TSPAN11: variants seen among roughly 807,000 people sequenced by gnomAD.
TSPAN11 encodes tetraspanin-11.
In TSPAN11, 29 loss-of-function variants were observed where a neutral mutation model predicts 32.9. The ratio of observed to expected loss-of-function variants is 0.88; its 90% CI spans 0.66 to 1.20. The LOEUF (loss-of-function observed/expected upper bound fraction) is 1.20, where lower values mean the gene tolerates loss of function less well. Ranked by LOEUF, TSPAN11 falls within the 50% of genes most tolerant of loss-of-function variation. The pLI is 0.00. For missense variants in TSPAN11, 283 were observed against 329.1 expected (o/e 0.86, Z 1.08); for synonymous variants, 140 against 141.3 (o/e 0.99, Z 0.07).
At chr12:30,979,177 G>T (rs1312438385) in intron 4 of TSPAN11, among the ~76,000 whole-genome samples, 1 of 152,160 alleles carries the variant, frequency 6.6e-6, no homozygotes, top group South Asian at 2.1e-4. Flanking sequence ...TGCCCACAGG[G>T]TAACAATTAT....
chr12:30,956,626 C>T (rs1006096781), intron 2 of TSPAN11, among the ~76,000 whole-genome samples: 2 of 152,232 alleles, frequency 1.3e-5, no homozygotes, highest in South Asian at 2.1e-4. Context: ...GAACCAAAAA[C>T]GCTGACACTT....
rs1228392683 is a variant in TSPAN11 at position 30,992,767 on chromosome 12, TCTC to T, written c.*855_*857del. 2 of 152,164 alleles carry T rather than the reference TCTC, an allele frequency of 1.3e-5. No individual in the cohort carries two copies. The highest frequency in any genetic ancestry group is 2.4e-5 in the African/African-American group (1 of 41,412). The allele number at this position is 152,164 out of a possible 1,614,324, so 9.4% of individuals were successfully genotyped here. A position where few individuals can be genotyped will look rare whatever the true frequency, so the allele number is the denominator to read the frequency against. On this transcript the variant is annotated 3_prime_UTR_variant, in exon 8 of 8. Transcript: ENST00000546076. ...ACCTAATGTTGATGGGTGTCAAACA[TCTC>T]CTGGAGTGGACCAACTCGCAACCCT...
chr12:30,952,838 C>A (rs756731908), intron 1 of TSPAN11, among the ~76,000 whole-genome samples: 4 of 152,202 alleles, frequency 2.6e-5, no homozygotes, highest in Non-Finnish European at 5.9e-5. Context: ...TAAGCCATGC[C>A]TCATTGCTTA....
intron 3 of TSPAN11, among the ~76,000 whole-genome samples, chr12:30,969,586 A>G (rs1391401623): frequency 1.3e-5 from 2 of 152,094 alleles, no homozygotes; most frequent in Non-Finnish European, 2.9e-5. Flanking sequence ...GTTGACATCC[A>G]TCCTTCTCGG....
At chr12:31,015,537 CT>C in the TSPAN11 span, 1 of 152,216 alleles carries the variant, frequency 6.6e-6, no homozygotes, top group African/African-American at 2.4e-5. This position sits in a 1 kb window ranked among gnomAD's most constrained non-coding sequence, Gnocchi z 4.9. Flanking sequence ...TTCGCCCACC[CT>C]TCTGACTTCT....
At chr12:30,942,357 C>T (rs928118957) in intron 1 of TSPAN11, among the ~76,000 whole-genome samples, 13 of 152,170 alleles carry the variant, frequency 8.5e-5, no homozygotes, top group African/African-American at 3.1e-4. Context: ...CTCTGGAGGT[C>T]ACAGGATTTG....
chr12:30,962,699 G>A (rs761413833), intron 2 of TSPAN11, among the ~76,000 whole-genome samples: 2 of 152,136 alleles, frequency 1.3e-5, no homozygotes, highest in Non-Finnish European at 2.9e-5. Flanking sequence ...CTCTAGCTTT[G>A]ACCACGCCCA....
At chr12:30,929,461 C>T (rs1053403732) in intron 1 of TSPAN11, among the ~76,000 whole-genome samples, 1 of 152,156 alleles carries the variant, frequency 6.6e-6, no homozygotes, top group African/African-American at 2.4e-5. Flanking sequence ...TGTGAGAACT[C>T]GAACCCATCT....
chr12:30,974,607 T>C (rs910332393), intron 3 of TSPAN11, among the ~76,000 whole-genome samples: 2 of 152,246 alleles, frequency 1.3e-5, no homozygotes, highest in African/African-American at 4.8e-5. Context: ...TATCAGGGGA[T>C]GTCTGCTAAG....
chr12:30,963,908 CCTTTGCCGCCTCCGCCTACATCCTCAT>C lies in TSPAN11; in HGVS notation c.174_200del (p.Ala59_Ala67del), dbSNP rs760611949. ...TACCTCAGCGTCCTGGCCTCCAGCA[CCTTTGCCGCCTCCGCCTACATCCTCAT>C]CTTTGCGGGCGTACTTGTCATGGTG... On this transcript the variant is annotated inframe_deletion, in exon 3 of 8. Transcript: ENST00000546076. 57 of 1,613,728 alleles carry C rather than the reference CCTTTGCCGCCTCCGCCTACATCCTCAT, an allele frequency of 3.5e-5. No homozygotes were observed. Among genetic ancestry groups the C allele is most frequent in the Non-Finnish European group, 4.7e-5 (55 of 1,180,034 alleles).
At chr12:30,943,216 C>T (rs1293527620) in intron 1 of TSPAN11, among the ~76,000 whole-genome samples, 2 of 152,174 alleles carry the variant, frequency 1.3e-5, no homozygotes, top group Non-Finnish European at 2.9e-5. Context: ...TCTTAGCTTC[C>T]GCCAGAGACC....
intron 1 of TSPAN11, among the ~76,000 whole-genome samples, chr12:30,946,028 G>A (rs74086320): frequency 0.042 from 6,326 of 152,226 alleles, 442 homozygotes; most frequent in African/African-American, 0.14. Flanking sequence ...CTTGTGCTCC[G>A]CCCCGCTCAG....
intron 2 of TSPAN11, among the ~76,000 whole-genome samples, chr12:30,956,850 A>G (rs1277379656): frequency 6.6e-6 from 1 of 152,240 alleles, no homozygotes; most frequent in Admixed American, 6.5e-5. Flanking sequence ...CTGTCAGGCT[A>G]TGGGGAGCAC....
At chr12:31,006,864 ATGT>A in the TSPAN11 span, among the ~76,000 whole-genome samples, 2 of 152,188 alleles carry the variant, frequency 1.3e-5, no homozygotes, top group Non-Finnish European at 2.9e-5. Context: ...GTTTTAATAT[ATGT>A]TTCTGCCATA....
rs115672294 is a variant in TSPAN11, at chr12:30,966,104, C to T, written c.276+2087C>T. Among the ~76,000 whole-genome samples, 736 of 151,952 alleles carry T rather than the reference C, an allele frequency of 4.8e-3. 6 individuals are homozygous for T. Among genetic ancestry groups the T allele is most frequent in the African/African-American group, 0.017 (687 of 41,432 alleles). On this transcript the variant is annotated intron_variant, in intron 3 of 7. Coordinates refer to ENST00000546076, the MANE Select transcript of TSPAN11 (RefSeq NM_001370302.1). Reference sequence around the variant, plus strand: ...AAGCCAAAAGATCAGACACCCTGTCCTAGACAGATTCACTGCACACAACAA... The same window carrying T: ...AAGCCAAAAGATCAGACACCCTGTCTTAGACAGATTCACTGCACACAACAA...
At chr12:30,961,111 T>G (rs528581055) in intron 2 of TSPAN11, among the ~76,000 whole-genome samples, 2 of 151,900 alleles carry the variant, frequency 1.3e-5, no homozygotes, top group African/African-American at 4.8e-5. Context: ...TACTGTTGAA[T>G]CAACTGTATG....
chr12:31,014,315 T>C, the TSPAN11 span, among the ~76,000 whole-genome samples: 16 of 152,240 alleles, frequency 1.1e-4, no homozygotes, highest in Non-Finnish European at 2.1e-4. Context: ...TATGCTACAA[T>C]GGTACTACAA....
At chr12:30,945,559 G>C (rs1426554354) in intron 1 of TSPAN11, among the ~76,000 whole-genome samples, 2 of 152,074 alleles carry the variant, frequency 1.3e-5, no homozygotes, top group Non-Finnish European at 2.9e-5. Context: ...CTCTGCTCCT[G>C]GTCGCTGGCC....
the TSPAN11 span, chr12:31,012,416 A>C: frequency 6.6e-6 from 1 of 152,368 alleles, no homozygotes; most frequent in African/African-American, 2.4e-5. Flanking sequence ...TACATAATGC[A>C]CTGCACCTCT....
Sources: allele counts gnomAD v4.1 joint callset (sites outside exome capture counted in the v4.1 genomes callset), GRCh38; gene constraint gnomAD v4.1.1; non-coding constraint Gnocchi (gnomAD v3.1); transcripts MANE v1.5; gene names NCBI Gene and HGNC (gene_info 2026-07-23, HGNC 2026-07-21).